The following MBP variants were observed in gnomAD, a reference collection of about 807,000 sequenced individuals.
The protein encoded by MBP is myelin basic protein, also known as Golli-MBP.
In MBP, 16 loss-of-function variants were observed where a neutral mutation model predicts 35.8. The observed-to-expected ratio is 0.45, with a 90% CI of 0.30 to 0.68. The LOEUF (loss-of-function observed/expected upper bound fraction) is 0.68, where lower values mean the gene tolerates loss of function less well. Ranked by LOEUF, MBP falls within the 30% of genes least tolerant of loss-of-function variation. MBP has a pLI of 0.08. For synonymous variants in MBP, 143 were observed against 159.6 expected, an observed-to-expected ratio of 0.90 and a Z score of 0.78; for missense variants, 380 against 404.7, an observed-to-expected ratio of 0.94 and a Z score of 0.52.
intron 4 of MBP, chr18:77,010,017 G>T: frequency 1.1e-6 from 1 of 917,326 alleles, no homozygotes; most frequent in Non-Finnish European, 1.7e-6. Flanking sequence ...TCTAGAGCTG[G>T]CTTGGCAAGA....
At chr18:77,103,716 TAG>T (rs1189729315) in intron 2 of MBP, among the ~76,000 whole-genome samples, 1 of 152,172 alleles carries the variant, frequency 6.6e-6, no homozygotes, top group South Asian at 2.1e-4. Flanking sequence ...TTCTCTAGTG[TAG>T]AGACAGGGGT....
intron 3 of MBP, among the ~76,000 whole-genome samples, chr18:77,029,901 G>T (rs937549517): frequency 5.9e-5 from 9 of 152,106 alleles, no homozygotes; most frequent in Non-Finnish European, 7.3e-5. Context: ...CAAAAATCCA[G>T]GTTTCCAGCT....
intron 2 of MBP, among the ~76,000 whole-genome samples, chr18:77,083,981 G>A (rs1263222189): frequency 2.0e-5 from 3 of 150,540 alleles, no homozygotes; most frequent in Non-Finnish European, 4.4e-5. Flanking sequence ...TGAATTGTAT[G>A]TCATTTGAAT....
intron 4 of MBP, among the ~76,000 whole-genome samples, chr18:76,991,117 G>A (rs546138148): frequency 4.6e-5 from 7 of 152,242 alleles, no homozygotes; most frequent in African/African-American, 7.2e-5. Flanking sequence ...GCTTTGACGC[G>A]GCTGCATAAC....
At chr18:77,127,662 A>G (rs1977097760) in intron 1 of MBP, 2 of 152,252 alleles carry the variant, frequency 1.3e-5, no homozygotes, top group Admixed American at 6.5e-5. Context: ...GAAAATATAA[A>G]GAATTAGGAA....
chr18:77,015,664 A>G, intron 4 of MBP: 4 of 985,470 alleles, frequency 4.1e-6, no homozygotes, highest in Non-Finnish European at 4.8e-6. Context: ...TGAAACTTCG[A>G]TGTGCTTTCA....
chr18:77,008,684 T>A (rs1003206260), intron 4 of MBP, among the ~76,000 whole-genome samples: 1 of 152,208 alleles, frequency 6.6e-6, no homozygotes, highest in African/African-American at 2.4e-5. Flanking sequence ...CTTCCTCTGC[T>A]GCACTTTCAG....
intron 4 of MBP, chr18:77,014,353 G>T: frequency 2.0e-6 from 2 of 985,460 alleles, no homozygotes; most frequent in South Asian, 9.4e-5. Context: ...CTTTTATAGG[G>T]TCATGGGGGG....
chr18:77,055,814 T>C (rs1426554222), intron 3 of MBP, among the ~76,000 whole-genome samples: 12 of 152,196 alleles, frequency 7.9e-5, no homozygotes, highest in Admixed American at 1.3e-4. Flanking sequence ...TTCAACCCCA[T>C]TGGAAATGTC....
At chr18:77,129,870 A>AAAACAAAAAC (rs200649285) in intron 1 of MBP, among the ~76,000 whole-genome samples, 1,640 of 152,090 alleles carry the variant, frequency 0.011, 36 homozygotes, top group South Asian at 0.081. Flanking sequence ...TCTTTACTAA[A>AAAACAAAAAC]AAACAAAAAC....
intron 3 of MBP, among the ~76,000 whole-genome samples, chr18:77,028,874 G>T (rs1218117689): frequency 6.7e-5 from 7 of 104,118 alleles, no homozygotes; most frequent in African/African-American, 2.2e-4. Context: ...GGGCAGAGGC[G>T]CTCCTCACTT....
intron 1 of MBP, among the ~76,000 whole-genome samples, chr18:77,117,655 T>C (rs1197729690): frequency 2.0e-5 from 3 of 151,234 alleles, no homozygotes; most frequent in South Asian, 2.1e-4. Flanking sequence ...TATCTGTGGA[T>C]GGGTTATTTC....
chr18:77,006,784 G>T (rs1251271702), intron 4 of MBP: 1 of 152,264 alleles, frequency 6.6e-6, no homozygotes, highest in Non-Finnish European at 1.5e-5. Context: ...AGGGGGCACC[G>T]CAGCACGGGA....
At position 76,988,880 on chromosome 18, in the gene MBP, T is replaced by C; in HGVS notation, c.714A>G (p.Gly238=). The change falls in exon 6 of 9, where the codon GGA becomes GGG. Residue 238 remains glycine (G), a synonymous_variant. Transcript: ENST00000355994. The surrounding 1 kb of genome is among the most constrained non-coding windows in gnomAD (Gnocchi z 5.2). The part of the protein sequence containing the change: ...VTPRTPPPSQ[G]KGRGLSLSRF... ...TCAAAACATTCCAAGGTCTTACCTT[T>C]CCCTGCGACGGGGGTGGTGTGCGAG... The C allele has an allele frequency of 1.2e-6, 2 of 1,613,804 alleles. No homozygotes were observed. Among genetic ancestry groups the C allele is most frequent in the Non-Finnish European group, 1.7e-6 (2 of 1,179,806 alleles).
chr18:77,097,689 C>G (rs1975817628), intron 2 of MBP, among the ~76,000 whole-genome samples: 1 of 152,180 alleles, frequency 6.6e-6, no homozygotes, highest in Non-Finnish European at 1.5e-5. Flanking sequence ...GCCAGCCACT[C>G]ACAGAGACAT....
intron 3 of MBP, among the ~76,000 whole-genome samples, chr18:77,056,486 C>T (rs62104272): frequency 0.014 from 2,063 of 152,280 alleles, 25 homozygotes; most frequent in Non-Finnish European, 0.018. Flanking sequence ...ATGTAACCAA[C>T]AAGGAAGATA....
At chr18:76,992,066 A>T (rs376413376) in intron 4 of MBP, among the ~76,000 whole-genome samples, 12 of 152,222 alleles carry the variant, frequency 7.9e-5, no homozygotes, top group African/African-American at 2.7e-4. Context: ...GGGGGTCTCC[A>T]CACGGCACAC....
chr18:77,124,592 C>T (rs553001592), intron 1 of MBP, among the ~76,000 whole-genome samples: 5 of 152,128 alleles, frequency 3.3e-5, no homozygotes, highest in African/African-American at 4.8e-5. Context: ...CAGGTGAGTT[C>T]GGAGGGGATG....
intron 7 of MBP, chr18:76,985,329 T>TC: frequency 7.7e-7 from 1 of 1,291,896 alleles, no homozygotes; most frequent in Non-Finnish European, 1.0e-6. Context: ...TAGGTGCCGG[T>TC]CCCCGGAGGC....
Sources: allele counts gnomAD v4.1 joint callset (sites outside exome capture counted in the v4.1 genomes callset), GRCh38; gene constraint gnomAD v4.1.1; non-coding constraint Gnocchi (gnomAD v3.1); transcripts MANE v1.5; gene names NCBI Gene and HGNC (gene_info 2026-07-23, HGNC 2026-07-21).